TMEM182: variants seen among roughly 807,000 people sequenced by gnomAD.
TMEM182 encodes transmembrane protein 182.
TMEM182 carries 20 observed loss-of-function variants against 26.8 expected under a neutral mutation model. The ratio of observed to expected loss-of-function variants is 0.75; its 90% CI spans 0.53 to 1.09. The LOEUF is 1.09. TMEM182 is among the 50% of genes least tolerant of loss of function. The probability of loss-of-function intolerance (pLI) is 0.00; values close to 1 mark genes in which losing one functional copy is unlikely to be tolerated. For missense variants in TMEM182, 277 were observed against 275.5 expected (o/e 1.01, Z -0.04); for synonymous variants, 109 against 102.2 (o/e 1.07, Z -0.40).
At chr2:102,760,580 T>C (rs1680175382), upstream of TMEM182, among the ~76,000 whole-genome samples, 1 of 152,218 alleles carries the variant, frequency 6.6e-6, no homozygotes, top group South Asian at 2.1e-4. Flanking sequence ...TAACATTCTA[T>C]ATGGCTTAGA....
In TMEM182 at chr2:102,834,920, C is replaced by G. The variant is rs560263157; in HGVS notation, c.326-8492C>G. ...GCCAGGATGCAAATTGGGCCTCACC[C>G]GTTTCACCTGAGGTGTTATTTATGC... On this transcript the variant is annotated intron_variant, in intron 3 of 3. Coordinates refer to the TMEM182 transcript ENST00000486293. Among the ~76,000 whole-genome samples, 7 of 152,310 alleles carry G rather than the reference C, an allele frequency of 4.6e-5. No homozygotes were observed. In the East Asian group the frequency reaches 1.3e-3, roughly 29 times the overall value.
chr2:102,778,734 C>T (rs1221898785), intron 3 of TMEM182, among the ~76,000 whole-genome samples: 1 of 151,988 alleles, frequency 6.6e-6, no homozygotes, highest in African/African-American at 2.4e-5. Context: ...TTGACATTTA[C>T]CAATGTAAGT....
At chr2:102,760,108 C>T (rs887896186), upstream of TMEM182, among the ~76,000 whole-genome samples, 1 of 142,106 alleles carries the variant, frequency 7.0e-6, no homozygotes, top group Non-Finnish European at 1.6e-5. Context: ...TTTACTATGT[C>T]TCACTTCAAT....
At position 102,744,959 on chromosome 2, in the gene TMEM182, C is replaced by T. The variant is rs564163482; in HGVS notation, c.-83+7946C>T. Among the ~76,000 whole-genome samples the T allele has an allele frequency of 1.7e-3, 255 of 152,148 alleles. 1 individual carries two copies. Among genetic ancestry groups the T allele is most frequent in the African/African-American group, 5.8e-3 (240 of 41,556 alleles). Reference sequence around the variant, plus strand: ...TGTCATTTGATGTCTATCTATAATTCGGGAGTATTCTCAGCCATTGTATCT... The same window carrying T: ...TGTCATTTGATGTCTATCTATAATTTGGGAGTATTCTCAGCCATTGTATCT... On this transcript the variant is annotated intron_variant, in intron 1 of 5. Transcript: ENST00000409173.
chr2:102,739,911 T>C (rs887411291), intron 1 of TMEM182, among the ~76,000 whole-genome samples: 19 of 152,280 alleles, frequency 1.2e-4, no homozygotes, highest in Middle Eastern at 3.4e-3. Context: ...TTGTCTCTGA[T>C]CCAGTCGTCC....
chr2:102,839,163 A>G (rs1683302633), intron 3 of TMEM182, among the ~76,000 whole-genome samples: 2 of 152,254 alleles, frequency 1.3e-5, no homozygotes, highest in South Asian at 4.1e-4. Context: ...TTTGTTTCAC[A>G]TGGCATAAAC....
chr2:102,797,832 T>C lies in TMEM182; in HGVS notation c.332-31T>C, dbSNP rs541747340. ...GTACACAATCTAAGTGTATTTTTCT[T>C]TCTTTTCTCTTTTCCTCCTGGGGTC... is the stretch of plus-strand genomic sequence containing the variant. On this transcript the variant is annotated intron_variant, in intron 3 of 4. Coordinates refer to ENST00000412401, the MANE Select transcript of TMEM182 (RefSeq NM_144632.5). The C allele has an allele frequency of 1.7e-5, 27 of 1,592,462 alleles. 1 individual carries two copies. The South Asian group carries it at 2.9e-4, about 17-fold the overall frequency.
chr2:102,814,611 A>G, intron 4 of TMEM182, 137 bp from the exon 5 acceptor site: 1 of 693,588 alleles, frequency 1.4e-6, no homozygotes, highest in Non-Finnish European at 2.4e-6. Flanking sequence ...ACATAATAAA[A>G]GGTCTGACGT....
chr2:102,776,450 A>C (rs1356288866), intron 3 of TMEM182, among the ~76,000 whole-genome samples: 1 of 152,138 alleles, frequency 6.6e-6, no homozygotes, highest in African/African-American at 2.4e-5. Context: ...TCTTTCACTT[A>C]GTATGTGCAT....
chr2:102,776,329 C>T (rs1680914243), intron 3 of TMEM182, among the ~76,000 whole-genome samples: 1 of 152,132 alleles, frequency 6.6e-6, no homozygotes, highest in Non-Finnish European at 1.5e-5. Context: ...TTATTTATCC[C>T]TTTCTGCCCC....
intron 3 of TMEM182, among the ~76,000 whole-genome samples, chr2:102,841,060 A>G (rs1409833188): frequency 1.3e-5 from 2 of 152,082 alleles, no homozygotes; most frequent in African/African-American, 4.8e-5. Flanking sequence ...ACAGAGATCC[A>G]TGGGGAAACA....
intron 3 of TMEM182, among the ~76,000 whole-genome samples, chr2:102,825,123 T>C (rs2104770468): frequency 6.6e-6 from 1 of 152,346 alleles, no homozygotes; most frequent in Middle Eastern, 3.4e-3. Context: ...CTTCAGTACC[T>C]ATCAAGCTTT....
At chr2:102,841,533 G>C (rs1683350143) in intron 3 of TMEM182, among the ~76,000 whole-genome samples, 1 of 152,172 alleles carries the variant, frequency 6.6e-6, no homozygotes, top group Non-Finnish European at 1.5e-5. Flanking sequence ...CTGCAGACAG[G>C]CTCCGCAGCA....
chr2:102,811,193 G>A (rs1455237647), intron 4 of TMEM182, among the ~76,000 whole-genome samples: 3 of 152,014 alleles, frequency 2.0e-5, no homozygotes, highest in Admixed American at 2.0e-4. Flanking sequence ...ACAGGCCTGT[G>A]ATTTTTGTAG....
chr2:102,788,270 C>T (rs947507637), intron 3 of TMEM182, among the ~76,000 whole-genome samples: 1 of 152,136 alleles, frequency 6.6e-6, no homozygotes, highest in Admixed American at 6.5e-5. Context: ...GTTTGGAATC[C>T]TAGCATGGGT....
intron 3 of TMEM182, among the ~76,000 whole-genome samples, chr2:102,788,082 A>G (rs1681474103): frequency 6.6e-6 from 1 of 152,160 alleles, no homozygotes; most frequent in Admixed American, 6.5e-5. Context: ...TTTGAGAGAC[A>G]AGGGTGGCGG....
At chr2:102,801,165 A>G (rs1166867863) in intron 4 of TMEM182, among the ~76,000 whole-genome samples, 1 of 152,112 alleles carries the variant, frequency 6.6e-6, no homozygotes, top group Non-Finnish European at 1.5e-5. Context: ...TCCCATTTTC[A>G]AAGCCATGAA....
intron 3 of TMEM182, among the ~76,000 whole-genome samples, chr2:102,828,348 T>A (rs1683084099): frequency 6.6e-6 from 1 of 152,184 alleles, no homozygotes; most frequent in Non-Finnish European, 1.5e-5. Context: ...ATGGAGACAC[T>A]GTTTCTACTC....
At chr2:102,742,937 A>G (rs1679584591) in intron 1 of TMEM182, among the ~76,000 whole-genome samples, 1 of 152,196 alleles carries the variant, frequency 6.6e-6, no homozygotes, top group Admixed American at 6.5e-5. Context: ...AGTTTTTCAG[A>G]GAGAAGGAAG....
Sources: allele counts gnomAD v4.1 joint callset (sites outside exome capture counted in the v4.1 genomes callset), GRCh38; gene constraint gnomAD v4.1.1; transcripts MANE v1.5; gene names NCBI Gene and HGNC (gene_info 2026-07-23, HGNC 2026-07-21).